COMMD10: variants seen among roughly 807,000 people sequenced by gnomAD.
COMMD10 encodes the protein COMM domain containing 10.
A neutral mutation model predicts 28.9 loss-of-function variants in COMMD10; 33 were observed. The ratio of observed to expected loss-of-function variants is 1.14; its 90% CI spans 0.87 to 1.53. The LOEUF (loss-of-function observed/expected upper bound fraction) is 1.53. Among genes scored for constraint, COMMD10 ranks in the 40% most tolerant of loss-of-function variants. The probability of loss-of-function intolerance (pLI) is 0.00; values close to 1 mark genes in which losing one functional copy is unlikely to be tolerated. For synonymous variants in COMMD10, 110 were observed against 81.7 expected, an observed-to-expected ratio of 1.35 and a Z score of -1.87; for missense variants, 310 against 233.4, an observed-to-expected ratio of 1.33 and a Z score of -2.14.
intron 5 of COMMD10, among the ~76,000 whole-genome samples, chr5:116,179,813 A>T (rs1199212272): frequency 2.6e-5 from 4 of 152,088 alleles, no homozygotes; most frequent in African/African-American, 2.4e-5. Context: ...TTGAAGTAAT[A>T]TTGAGGCAGG....
chr5:116,244,719 C>T (rs542573723), intron 5 of COMMD10, among the ~76,000 whole-genome samples: 20 of 149,062 alleles, frequency 1.3e-4, no homozygotes, highest in Admixed American at 1.1e-3. Context: ...AATACCTTCT[C>T]CTGAATGATT....
intron 5 of COMMD10, among the ~76,000 whole-genome samples, chr5:116,155,143 A>G (rs941470984): frequency 5.3e-5 from 8 of 152,088 alleles, no homozygotes; most frequent in Non-Finnish European, 7.4e-5. Flanking sequence ...CACCTTTTCC[A>G]TCTCACAGTC....
chr5:116,282,960 G>T (rs1479203024), intron 5 of COMMD10, among the ~76,000 whole-genome samples: 1 of 151,926 alleles, frequency 6.6e-6, no homozygotes, highest in African/African-American at 2.4e-5. Flanking sequence ...TGTACACATA[G>T]GAGCAGAGAC....
intron 5 of COMMD10, among the ~76,000 whole-genome samples, chr5:116,178,895 A>G (rs984524902): frequency 2.1e-4 from 32 of 152,288 alleles, no homozygotes; most frequent in African/African-American, 7.2e-4. Flanking sequence ...ATAACATTGT[A>G]TACCTTAATT....
chr5:116,218,232 G>A (rs1282000265), intron 5 of COMMD10: 3 of 755,002 alleles, frequency 4.0e-6, no homozygotes, highest in South Asian at 2.7e-5. Context: ...GATCTTCTCT[G>A]TGGTTCGTCC....
At position 116,253,579 on chromosome 5, in the gene COMMD10, G is replaced by T. The variant is rs1181009309; in HGVS notation, c.511-37938G>T. The stretch of plus-strand genomic sequence containing the variant: ...TCATGTGGTTTTTGTCTTTGGCTCT[G>T]TTTATATGCTGGATTACATTTATTG... On this transcript the variant is annotated intron_variant, in intron 5 of 6. Coordinates refer to ENST00000274458, the MANE Select transcript of COMMD10 (RefSeq NM_016144.4). 2.2e-5 allele frequency among the ~76,000 whole-genome samples: 3 copies of T among 137,226 alleles called. No homozygotes were observed. In the East Asian group the frequency reaches 6.3e-4, roughly 29 times the overall value. 90.0% of individuals were successfully genotyped at this position (137,226 alleles called of 152,430 possible). A position where few individuals can be genotyped will look rare whatever the true frequency, so the allele number is the denominator to read the frequency against.
At chr5:116,234,552 A>G (rs1749613046) in intron 5 of COMMD10, among the ~76,000 whole-genome samples, 1 of 152,278 alleles carries the variant, frequency 6.6e-6, no homozygotes, top group South Asian at 2.1e-4. Context: ...ATCATGAATG[A>G]TGTAGACTGC....
At chr5:116,180,260 C>T (rs1362816275) in intron 5 of COMMD10, among the ~76,000 whole-genome samples, 1 of 151,952 alleles carries the variant, frequency 6.6e-6, no homozygotes, top group Non-Finnish European at 1.5e-5. Flanking sequence ...TTTATAGAAA[C>T]CTTGATGGAT....
intron 5 of COMMD10, among the ~76,000 whole-genome samples, chr5:116,154,381 G>A (rs555628593): frequency 2.6e-5 from 4 of 152,198 alleles, no homozygotes; most frequent in African/African-American, 9.6e-5. Flanking sequence ...AAAAGTTATA[G>A]CATAAAAGTT....
chr5:116,154,939 A>G (rs1007524642), intron 5 of COMMD10, among the ~76,000 whole-genome samples: 2 of 152,146 alleles, frequency 1.3e-5, no homozygotes, highest in Admixed American at 6.6e-5. Context: ...GGATCCCAGT[A>G]TAACATTTCT....
At chr5:116,113,153 C>T (rs1041738000) in intron 4 of COMMD10, among the ~76,000 whole-genome samples, 1 of 152,078 alleles carries the variant, frequency 6.6e-6, no homozygotes, top group African/African-American at 2.4e-5. Context: ...ACATTTTTTC[C>T]TGCCTTGTAA....
At chr5:116,237,028 T>C (rs1260524831) in intron 5 of COMMD10, among the ~76,000 whole-genome samples, 3 of 152,132 alleles carry the variant, frequency 2.0e-5, no homozygotes, top group Non-Finnish European at 4.4e-5. Flanking sequence ...CAAATTGCAA[T>C]TATTGAATAG....
chr5:116,246,808 G>A (rs1031938997), intron 5 of COMMD10, among the ~76,000 whole-genome samples: 4 of 151,748 alleles, frequency 2.6e-5, no homozygotes, highest in African/African-American at 9.7e-5. Context: ...AAACTGGACC[G>A]TTTCCTTACA....
chr5:116,164,673 G>T (rs1051249028), intron 5 of COMMD10, among the ~76,000 whole-genome samples: 1 of 152,126 alleles, frequency 6.6e-6, no homozygotes, highest in Non-Finnish European at 1.5e-5. Context: ...GGAAATTCTG[G>T]ATTACTTCAT....
intron 5 of COMMD10, among the ~76,000 whole-genome samples, chr5:116,187,149 C>T (rs889910051): frequency 6.6e-6 from 1 of 151,986 alleles, no homozygotes; most frequent in African/African-American, 2.4e-5. Flanking sequence ...TACATGTGTT[C>T]AAAAGAGACC....
At chr5:116,205,469 A>G (rs1344955523) in intron 5 of COMMD10, among the ~76,000 whole-genome samples, 2 of 152,190 alleles carry the variant, frequency 1.3e-5, no homozygotes, top group Non-Finnish European at 2.9e-5. Context: ...CTGTTTTATT[A>G]GGAAACTTTT....
intron 5 of COMMD10, among the ~76,000 whole-genome samples, chr5:116,218,790 C>T (rs529565411): frequency 1.2e-4 from 18 of 152,254 alleles, no homozygotes; most frequent in African/African-American, 4.3e-4. Context: ...TCCAAAAGAA[C>T]TTACATTCCT....
At chr5:116,222,487 G>A (rs1027732596) in intron 5 of COMMD10, among the ~76,000 whole-genome samples, 4 of 152,076 alleles carry the variant, frequency 2.6e-5, no homozygotes, top group African/African-American at 4.8e-5. Context: ...AGTTCAGTGG[G>A]AATATGATTT....
intron 5 of COMMD10, among the ~76,000 whole-genome samples, chr5:116,185,156 C>A (rs751129089): frequency 3.3e-5 from 5 of 152,072 alleles, no homozygotes; most frequent in Non-Finnish European, 5.9e-5. Context: ...GCCCATAGAT[C>A]TTTATATTGT....
Sources: gnomAD v4.1 joint callset for allele counts (sites outside exome capture counted in the v4.1 genomes callset) on GRCh38, gnomAD v4.1.1 for gene constraint, MANE v1.5 for transcripts, NCBI Gene and HGNC (gene_info 2026-07-23, HGNC 2026-07-21) for gene names.